The following SYNE2 variants were observed in gnomAD, a reference collection of about 807,000 sequenced individuals.
SYNE2 encodes the protein nesprin-2.
A neutral mutation model predicts 856.3 loss-of-function variants in SYNE2; 431 were observed. The observed-to-expected ratio is 0.50, with a 90% CI of 0.47 to 0.55. The LOEUF is 0.55. Among genes scored for constraint, SYNE2 ranks in the 20% least tolerant of loss-of-function variants. The pLI is 0.00. For synonymous variants in SYNE2, 2,923 were observed against 2,872.3 expected (o/e 1.02, Z -0.56); for missense variants, 8,129 against 8,023.2 (o/e 1.01, Z -0.50).
At chr14:64,154,127 C>T (rs965379683) in intron 85 of SYNE2, among the ~76,000 whole-genome samples, 4 of 148,750 alleles carry the variant, frequency 2.7e-5, no homozygotes, top group Non-Finnish European at 5.9e-5. Flanking sequence ...GCAAGGAATT[C>T]AAGACCAGCC....
At chr14:63,948,782 G>GTATATATATATATATATATA (rs3062027) in intron 6 of SYNE2, among the ~76,000 whole-genome samples, 2 of 43,906 alleles carry the variant, frequency 4.6e-5, no homozygotes, top group Non-Finnish European at 4.5e-5. Context: ...ATGTGTGTGT[G>GTATATATATATATATATATA]TATATATATA....
chr14:64,077,470 A>T (rs2097473500), intron 54 of SYNE2, among the ~76,000 whole-genome samples: 1 of 152,100 alleles, frequency 6.6e-6, no homozygotes, highest in South Asian at 2.1e-4. Context: ...TGATATTGTG[A>T]ATAGAGCCTG....
In SYNE2 at chr14:64,146,075, A is replaced by G; in HGVS notation, c.15491A>G (p.His5164Arg). The G allele has an allele frequency of 6.3e-7, 1 of 1,579,270 alleles. No individual in the cohort carries two copies. Among genetic ancestry groups the G allele is most frequent in the South Asian group, 1.1e-5 (1 of 87,498 alleles). ...ATCTTTACATTCACTTAGATACAAC[A>G]TTTAGAACAACTTCTAGAAAGTATC... ...VHGMLNRKIQ[H>R]LEQLLESITE... Residue 5164 changes from histidine to arginine, a missense_variant, in exon 84 of 116, where the codon CAT (histidine) becomes CGT (arginine). By Grantham distance (29) the His-to-Arg change is conservative (BLOSUM62 0). Coordinates refer to ENST00000555002, the MANE Select transcript of SYNE2 (RefSeq NM_182914.3).
At chr14:64,179,087 A>G (rs1368532441) in intron 96 of SYNE2, among the ~76,000 whole-genome samples, 1 of 152,184 alleles carries the variant, frequency 6.6e-6, no homozygotes, top group Admixed American at 6.5e-5. Flanking sequence ...AAAAGTAAAC[A>G]AAATACATAA....
chr14:63,867,396 A>AG (rs1566654264), intron 1 of SYNE2, among the ~76,000 whole-genome samples: 13 of 148,774 alleles, frequency 8.7e-5, no homozygotes, highest in African/African-American at 3.2e-4. Flanking sequence ...AAAAAAAAAA[A>AG]AAGAGAGAGA....
rs143270277 is a variant in SYNE2, at chr14:63,841,895, C to T, written c.-304-10606C>T. Among the ~76,000 whole-genome samples the T allele has an allele frequency of 6.6e-3, 872 of 132,122 alleles. 7 individuals carry two copies. Among genetic ancestry groups the T allele is most frequent in the African/African-American group, 0.023 (813 of 35,000 alleles). 86.7% of individuals were successfully genotyped at this position (132,122 alleles called of 152,430 possible). On this transcript the variant is annotated intron_variant, in intron 1 of 23. Transcript: ENST00000674003. ...TCGCCCAGGCTGGAGTGCAGTGGTG[C>T]GATCTCAGCTCACTGCAAGCTCCAC...
At chr14:64,176,783 A>ATT (rs779864475) in intron 95 of SYNE2, among the ~76,000 whole-genome samples, 2 of 128,868 alleles carry the variant, frequency 1.6e-5, no homozygotes, top group African/African-American at 7.1e-5. Flanking sequence ...TTTTATTTTT[A>ATT]TTTATTTATT....
intron 1 of SYNE2, among the ~76,000 whole-genome samples, chr14:63,766,864 C>T (rs555206663): frequency 2.0e-5 from 3 of 152,104 alleles, no homozygotes; most frequent in South Asian, 2.1e-4. Flanking sequence ...CAGTGAATGA[C>T]GTTGGGATTG....
intron 11 of SYNE2, among the ~76,000 whole-genome samples, chr14:63,969,879 A>G (rs1263013795): frequency 6.6e-6 from 1 of 152,152 alleles, no homozygotes; most frequent in Non-Finnish European, 1.5e-5. Flanking sequence ...TCTGTCTTCA[A>G]TGCTGTCAAA....
intron 1 of SYNE2, among the ~76,000 whole-genome samples, chr14:63,809,587 C>T (rs1226758042): frequency 1.3e-5 from 2 of 152,188 alleles, no homozygotes; most frequent in Non-Finnish European, 2.9e-5. Flanking sequence ...CCAGGCCCAG[C>T]ACTCCAGGCT....
At chr14:64,146,402 G>A (rs143574080) in intron 84 of SYNE2, among the ~76,000 whole-genome samples, 179 bp downstream of exon 84, 2 of 152,216 alleles carry the variant, frequency 1.3e-5, no homozygotes, top group East Asian at 1.9e-4. Flanking sequence ...GCAAAGTGCC[G>A]TTTTTTATGA....
At position 64,225,437 on chromosome 14, in the gene SYNE2, G is replaced by C. The variant is rs371152824; in HGVS notation, c.20635G>C (p.Glu6879Gln). The C allele has an allele frequency of 6.2e-6, 10 of 1,613,050 alleles. No homozygotes were observed. The South Asian group carries it at 6.6e-5, about 11-fold the overall frequency. ...CCTGGCCTGCCTGCTGCCCTCCTCC[G>C]AAGAAGACTACAGCTGCACTCAGGC... ...LLLACLLPSSEEDYSCTQANN... is the reference protein window; with the variant it reads ...LLLACLLPSSQEDYSCTQANN... Residue 6879 changes from glutamate to glutamine, a missense_variant, in exon 116 of 116, where the codon GAA (glutamate) becomes CAA (glutamine). This residue lies in a region of SYNE2 where 5,410 missense variants were observed against 5,284.8 expected (regional missense o/e 1.02). Transcript: ENST00000555002.
Position 64,132,336 on chromosome 14 carries a change from A to G in SYNE2, c.14412A>G (p.Leu4804=). 6.2e-7 allele frequency: 1 copy of G among 1,614,152 alleles called. No homozygotes were observed. Among genetic ancestry groups the G allele is most frequent in the South Asian group, 1.1e-5 (1 of 91,066 alleles). The change falls in exon 77 of 116, where the codon TTA becomes TTG. Residue 4804 remains leucine (L), a synonymous_variant. Coordinates refer to ENST00000555002, the MANE Select transcript of SYNE2 (RefSeq NM_182914.3). ...QAYSAKILPS[L]LQNRETFWAE... ...ACTCTGCCAAAATACTTCCTTCTTT[A>G]TTGCAAAACAGAGAGACATTTTGGG...
intron 1 of SYNE2, among the ~76,000 whole-genome samples, chr14:63,866,701 G>A (rs907048385): frequency 2.6e-5 from 4 of 152,154 alleles, no homozygotes; most frequent in African/African-American, 9.7e-5. Context: ...CTGGCTGGGC[G>A]TGGTAGCTCA....
At chr14:63,947,897 G>T (rs1002458528) in intron 6 of SYNE2, among the ~76,000 whole-genome samples, 1 of 151,942 alleles carries the variant, frequency 6.6e-6, no homozygotes, top group African/African-American at 2.4e-5. Context: ...ACCTTCACAC[G>T]TGAAGTCGAC....
At chr14:64,063,899 CTATG>C (rs2097336929) in intron 50 of SYNE2, among the ~76,000 whole-genome samples, 1 of 152,054 alleles carries the variant, frequency 6.6e-6, no homozygotes, top group South Asian at 2.1e-4. Flanking sequence ...ACACTGAACT[CTATG>C]TATATAATTT....
chr14:64,162,651 G>A (rs776894357), intron 88 of SYNE2: 25 of 327,810 alleles, frequency 7.6e-5, no homozygotes, highest in Middle Eastern at 1.1e-3. Context: ...TCATGGACTT[G>A]GTGCCATGTT....
chr14:63,837,613 A>C (rs1201807018), intron 1 of SYNE2, among the ~76,000 whole-genome samples: 1 of 152,156 alleles, frequency 6.6e-6, no homozygotes, highest in African/African-American at 2.4e-5. Context: ...CAAACAATTC[A>C]ATTTAAAAAA....
Position 64,098,117 on chromosome 14 carries a change from G to A in SYNE2, c.12277G>A (p.Val4093Met), listed in dbSNP as rs368931101. 1.2e-6 allele frequency: 2 copies of A among 1,614,020 alleles called. No individual in the cohort carries two copies. The highest frequency in any genetic ancestry group is 1.7e-6 in the Non-Finnish European group (2 of 1,180,006). ...AGCTGTAACATCAGAGGAAGGTGGA[G>A]TGGCAGAGAGGGATGCTTCTGAGCG... ...LPAVTSEEGG[V>M]AERDASERKL... Residue 4093 changes from valine to methionine, a missense_variant, in exon 62 of 116, where the codon GTG becomes ATG. Coordinates refer to ENST00000555002, the MANE Select transcript of SYNE2 (RefSeq NM_182914.3).
Sources: gnomAD v4.1 joint callset for allele counts (sites outside exome capture counted in the v4.1 genomes callset) on GRCh38, gnomAD v4.1.1 for gene constraint, gnomAD v4.1.1 regional missense constraint, MANE v1.5 for transcripts, NCBI Gene and HGNC (gene_info 2026-07-23, HGNC 2026-07-21) for gene names.